The following TLN2 variants were observed in gnomAD, a reference collection of about 807,000 sequenced individuals.
TLN2 encodes the protein talin-2.
TLN2 carries 118 observed loss-of-function variants against 294.7 expected under a neutral mutation model. The ratio of observed to expected loss-of-function variants is 0.40; its 90% confidence interval spans 0.34 to 0.47. The LOEUF (loss-of-function observed/expected upper bound fraction) is 0.47, where lower values mean the gene tolerates loss of function less well. TLN2 is among the 20% of genes least tolerant of loss of function. The pLI, the probability that TLN2 is intolerant of heterozygous loss-of-function variation, is 0.84. For synonymous variants in TLN2, 1,431 were observed against 1,304.5 expected (o/e 1.10, Z -2.09); for missense variants, 3,083 against 3,282.2 (o/e 0.94, Z 1.48).
At chr15:62,515,876 C>T (rs1465477297) in intron 1 of TLN2, among the ~76,000 whole-genome samples, 1 of 152,158 alleles carries the variant, frequency 6.6e-6, no homozygotes, top group Non-Finnish European at 1.5e-5. Context: ...TTTATGTGTG[C>T]TGGGCTTGCC....
Position 62,724,994 on chromosome 15 carries a change from C to A in TLN2, c.3145C>A (p.Pro1049Thr). The A allele has an allele frequency of 6.2e-7, 1 of 1,612,216 alleles. No homozygotes were observed. The highest frequency in any genetic ancestry group is 1.1e-5 in the South Asian group (1 of 90,824). The change falls in exon 27 of 59, where the codon CCG becomes ACG. Residue 1049 changes from proline (P) to threonine (T), a missense_variant. Coordinates refer to ENST00000636159, the MANE Select transcript of TLN2 (RefSeq NM_015059.3). Reference protein sequence around the residue: ...ASQKAHEACGPMEIDSALNTV... With the variant: ...ASQKAHEACGTMEIDSALNTV... ...TTGGCAGGCCCATGAAGCTTGTGGT[C>A]CGATGGAAATCGATTCAGCTCTGAA...
chr15:62,442,443 G>T (rs1374202070), intron 1 of TLN2, among the ~76,000 whole-genome samples: 1 of 140,698 alleles, frequency 7.1e-6, no homozygotes, highest in East Asian at 2.1e-4. Context: ...GCAGTGAGCC[G>T]AGACTACGCA....
intron 28 of TLN2, among the ~76,000 whole-genome samples, chr15:62,730,839 G>A (rs1015696294): frequency 1.2e-4 from 19 of 152,122 alleles, no homozygotes; most frequent in African/African-American, 3.4e-4. Context: ...GCAAGTGCTC[G>A]TTGAAAATGG....
At chr15:62,483,511 C>T (rs1271934217) in intron 1 of TLN2, among the ~76,000 whole-genome samples, 2 of 152,216 alleles carry the variant, frequency 1.3e-5, no homozygotes. Flanking sequence ...CTCAGACAGC[C>T]AGCCTCTGTT....
chr15:62,753,681 T>C, intron 35 of TLN2, 92 bp from the exon 36 acceptor site: 1 of 1,457,014 alleles, frequency 6.9e-7, no homozygotes, highest in Non-Finnish European at 9.2e-7. Flanking sequence ...TGCCTGAGTG[T>C]GACAGCTGCA....
chr15:62,530,878 C>G (rs1230455227), intron 1 of TLN2, among the ~76,000 whole-genome samples: 1 of 152,120 alleles, frequency 6.6e-6, no homozygotes, highest in Non-Finnish European at 1.5e-5. Flanking sequence ...GTCCTATTTT[C>G]TTTTCTAACA....
intron 11 of TLN2, among the ~76,000 whole-genome samples, chr15:62,677,140 G>C (rs1404654333): frequency 1.3e-5 from 2 of 152,222 alleles, no homozygotes; most frequent in Non-Finnish European, 2.9e-5. Flanking sequence ...CACATGGGGA[G>C]ATCTGCTCAT....
chr15:62,789,479 C>T (rs1485984438), intron 45 of TLN2, among the ~76,000 whole-genome samples: 1 of 152,206 alleles, frequency 6.6e-6, no homozygotes, highest in Non-Finnish European at 1.5e-5. Flanking sequence ...AGAAAGGGGC[C>T]GGGCAGCAGG....
rs1375427327 is a variant in TLN2 at position 62,482,142 on chromosome 15, T to C, written c.-238+91457T>C. Among the ~76,000 whole-genome samples, 4 of 152,184 alleles carry C rather than the reference T, an allele frequency of 2.6e-5. No homozygotes were observed. In the East Asian group the frequency reaches 5.8e-4, roughly 22 times the overall value. On this transcript the variant is annotated intron_variant, in intron 1 of 58. Transcript: ENST00000636159. ...ATTATTGTTATATAAAACGATAAAT[T>C]ATGTAACCACTCATTCTTCCGTTCC...
At chr15:62,749,297 G>A (rs930489181) in intron 33 of TLN2, among the ~76,000 whole-genome samples, 5 of 152,224 alleles carry the variant, frequency 3.3e-5, no homozygotes, top group Middle Eastern at 3.2e-3. Context: ...TCACAGGACC[G>A]AAGCATTCTG....
At chr15:62,651,045 G>A (rs1237167119) in intron 5 of TLN2, among the ~76,000 whole-genome samples, 4 of 152,148 alleles carry the variant, frequency 2.6e-5, no homozygotes, top group Non-Finnish European at 5.9e-5. Flanking sequence ...AAGGTAAAAT[G>A]TATTTATAGT....
intron 1 of TLN2, among the ~76,000 whole-genome samples, chr15:62,442,510 A>AG (rs2035603923): frequency 6.6e-6 from 1 of 150,586 alleles, no homozygotes; most frequent in South Asian, 2.1e-4. Context: ...AAAAAAAAAA[A>AG]AAAAAAATTA....
intron 1 of TLN2, among the ~76,000 whole-genome samples, chr15:62,513,624 C>T (rs12904135): frequency 0.078 from 11,840 of 152,248 alleles, 543 homozygotes; most frequent in Non-Finnish European, 0.098. Context: ...AATGGCCCAT[C>T]ATTCTTCCCC....
intron 1 of TLN2, among the ~76,000 whole-genome samples, chr15:62,561,896 C>A (rs936587259): frequency 6.6e-6 from 1 of 152,114 alleles, no homozygotes; most frequent in African/African-American, 2.4e-5. Context: ...GCTCTCCTCA[C>A]GAAAGCTCCC....
intron 44 of TLN2, among the ~76,000 whole-genome samples, chr15:62,782,709 C>T (rs1048055093): frequency 6.6e-6 from 1 of 152,206 alleles, no homozygotes; most frequent in East Asian, 1.9e-4. Flanking sequence ...CGTTCCTTGG[C>T]GGCCACATCT....
chr15:62,813,042 C>T (rs1225881819), intron 52 of TLN2, among the ~76,000 whole-genome samples: 2 of 152,218 alleles, frequency 1.3e-5, no homozygotes, highest in Admixed American at 6.5e-5. Flanking sequence ...AGGAGGTCAC[C>T]ATCAGATCTC....
intron 1 of TLN2, among the ~76,000 whole-genome samples, chr15:62,571,864 A>G (rs1365804011): frequency 1.3e-5 from 2 of 152,228 alleles, no homozygotes; most frequent in Non-Finnish European, 2.9e-5. Context: ...ACACCTAAAC[A>G]TTCCTCAATA....
At chr15:62,568,843 G>T (rs370786314) in intron 1 of TLN2, among the ~76,000 whole-genome samples, 6 of 152,324 alleles carry the variant, frequency 3.9e-5, no homozygotes, top group East Asian at 1.9e-4. Context: ...GGTCCTTCCA[G>T]AATCTCGAGG....
intron 1 of TLN2, among the ~76,000 whole-genome samples, chr15:62,545,410 G>A (rs1481089335): frequency 6.6e-6 from 1 of 152,208 alleles, no homozygotes; most frequent in African/African-American, 2.4e-5. Context: ...AAAGGATGGA[G>A]GAAAAGGTGG....
Sources: gnomAD v4.1 joint callset for allele counts (sites outside exome capture counted in the v4.1 genomes callset) on GRCh38, gnomAD v4.1.1 for gene constraint, MANE v1.5 for transcripts, NCBI Gene and HGNC (gene_info 2026-07-23, HGNC 2026-07-21) for gene names.